Variants in SEC24B observed in about 807,000 individuals in gnomAD.
SEC24B encodes SEC24 homolog B, COPII component.
In SEC24B, 45 loss-of-function variants were observed where a neutral mutation model predicts 142.8. That is an observed-to-expected ratio of 0.32 (90% CI 0.25 to 0.40). The LOEUF (loss-of-function observed/expected upper bound fraction) is 0.40. Ranked by LOEUF, SEC24B falls within the 10% of genes least tolerant of loss-of-function variation. The pLI, the probability that SEC24B is intolerant of heterozygous loss-of-function variation, is 1.00. For missense variants in SEC24B, 1,409 were observed against 1,526.8 expected (o/e 0.92, Z 1.29); for synonymous variants, 574 against 568.2 (o/e 1.01, Z -0.15).
intron 1 of SEC24B, among the ~76,000 whole-genome samples, chr4:109,446,747 A>T (rs1239235231): frequency 6.6e-6 from 1 of 152,246 alleles, no homozygotes; most frequent in African/African-American, 2.4e-5. Flanking sequence ...GAAAGCTTTT[A>T]AAGTTTCATG....
intron 2 of SEC24B, among the ~76,000 whole-genome samples, chr4:109,467,186 C>T (rs1454517468): frequency 4.6e-5 from 7 of 151,196 alleles, no homozygotes; most frequent in Admixed American, 2.0e-4. Context: ...ATTAGCCGGG[C>T]GTGGTAGCGG....
chr4:109,507,772 AGTACCTGG>A (rs1736860855), intron 7 of SEC24B, among the ~76,000 whole-genome samples: 1 of 151,994 alleles, frequency 6.6e-6, no homozygotes, highest in African/African-American at 2.4e-5. Flanking sequence ...TAGCCTCCCG[AGTACCTGG>A]GATTACAGGC....
At chr4:109,516,748 C>A in intron 11 of SEC24B, 108 bp downstream of exon 11, 1 of 577,446 alleles carries the variant, frequency 1.7e-6, no homozygotes, top group Non-Finnish European at 2.9e-6. Context: ...TTGTATTTAT[C>A]AACTAAAAAG....
At chr4:109,514,752 C>G (rs1367650278) in intron 10 of SEC24B, among the ~76,000 whole-genome samples, 2 of 152,146 alleles carry the variant, frequency 1.3e-5, no homozygotes, top group African/African-American at 2.4e-5. Context: ...CAACTCTAAT[C>G]CTTGTTGTCC....
chr4:109,454,909 A>G (rs573051740), intron 1 of SEC24B, among the ~76,000 whole-genome samples: 1 of 152,356 alleles, frequency 6.6e-6, no homozygotes, highest in Admixed American at 6.5e-5. Flanking sequence ...TCAGGCCAAG[A>G]AGAATCTAAA....
chr4:109,483,900 T>C (rs906301384), intron 4 of SEC24B, among the ~76,000 whole-genome samples: 1 of 152,228 alleles, frequency 6.6e-6, no homozygotes, highest in Non-Finnish European at 1.5e-5. Context: ...GCTTTATAAT[T>C]CTCTATCAAC....
At chr4:109,519,084 G>A (rs1018535104) in intron 11 of SEC24B, among the ~76,000 whole-genome samples, 1 of 152,120 alleles carries the variant, frequency 6.6e-6, no homozygotes, top group Admixed American at 6.5e-5. Flanking sequence ...TGGGATTACA[G>A]CCACTGCACC....
At position 109,463,335 on chromosome 4, in the gene SEC24B, A is replaced by G; in HGVS notation, c.568A>G (p.Asn190Asp). ...CGHYAMSTVS[N>D]AAYPSVSYPS... ...TCATTATGCTATGTCAACTGTTTCT[A>G]ATGCCGCGTATCCTAGTGTTTCATA... Residue 190 changes from asparagine (N) to aspartate (D), a missense_variant, in exon 2 of 24, where the codon AAT (asparagine) becomes GAT (aspartate). Coordinates refer to ENST00000265175, the MANE Select transcript of SEC24B (RefSeq NM_006323.5). 1 of 1,614,168 alleles carries G rather than the reference A, an allele frequency of 6.2e-7. No individual in the cohort carries two copies. The highest frequency in any genetic ancestry group is 8.5e-7 in the Non-Finnish European group (1 of 1,180,026).
chr4:109,448,108 A>C (rs999716802), intron 1 of SEC24B, among the ~76,000 whole-genome samples: 10 of 152,218 alleles, frequency 6.6e-5, no homozygotes, highest in African/African-American at 2.2e-4. Context: ...GTAATCAAGA[A>C]TCTATTTTAA....
At position 109,433,968 on chromosome 4, in the gene SEC24B, C is replaced by A. The variant is rs924576781; in HGVS notation, c.99C>A (p.Gly33=). 8.2e-7 allele frequency: 1 copy of A among 1,226,354 alleles called. No homozygotes were observed. The highest frequency in any genetic ancestry group is 3.4e-5 in the East Asian group (1 of 29,118). The allele number at this position is 1,226,354 out of a possible 1,614,324, so 76.0% of individuals were successfully genotyped here. ...AAVSGAAAPA[G]PGAGPAPHQQ... ...TCTCAGGAGCCGCAGCGCCCGCGGG[C>A]CCGGGTGCGGGCCCGGCGCCGCACC... is the stretch of plus-strand genomic sequence containing the variant. The change falls in exon 1 of 24, where the codon GGC becomes GGA. Residue 33 remains glycine, a synonymous_variant. Transcript: ENST00000265175.
At chr4:109,480,718 A>G (rs1232814984) in intron 3 of SEC24B, among the ~76,000 whole-genome samples, 1 of 152,212 alleles carries the variant, frequency 6.6e-6, no homozygotes, top group African/African-American at 2.4e-5. Context: ...TAACCTTGTG[A>G]TCCTCCCACC....
Position 109,530,364 on chromosome 4 carries a change from C to T in SEC24B, c.3152C>T (p.Ser1051Phe), listed in dbSNP as rs141827728. 1,160 of 1,614,112 alleles carry T rather than the reference C, an allele frequency of 7.2e-4. No homozygotes were observed. Among genetic ancestry groups the T allele is most frequent in the Non-Finnish European group, 8.8e-4 (1,041 of 1,179,984 alleles). Residue 1051 changes from serine to phenylalanine, a missense_variant, in exon 19 of 24, where the codon TCT becomes TTT. Ser to Phe is a radical substitution (Grantham distance 155). Coordinates refer to ENST00000265175, the MANE Select transcript of SEC24B (RefSeq NM_006323.5). ...ALVNAVVDSL[S>F]AYGSTVSNLQ... Reference sequence around the variant, plus strand: ...GTGAATGCTGTAGTGGACTCATTGTCTGCATATGGCTCAACTGTCTCAAAT... The same window carrying T: ...GTGAATGCTGTAGTGGACTCATTGTTTGCATATGGCTCAACTGTCTCAAAT...
At chr4:109,518,391 T>A (rs1723209897) in intron 11 of SEC24B, among the ~76,000 whole-genome samples, 1 of 152,216 alleles carries the variant, frequency 6.6e-6, no homozygotes, top group Non-Finnish European at 1.5e-5. Flanking sequence ...GGTTCACTAC[T>A]GCAGTGGTTC....
At chr4:109,514,800 G>T (rs184405608) in intron 10 of SEC24B, among the ~76,000 whole-genome samples, 1 of 152,206 alleles carries the variant, frequency 6.6e-6, no homozygotes, top group Non-Finnish European at 1.5e-5. Flanking sequence ...AGGAGTAAGC[G>T]ATGTGCATTA....
chr4:109,502,598 A>G (rs1050025513), intron 6 of SEC24B, among the ~76,000 whole-genome samples: 1 of 152,218 alleles, frequency 6.6e-6, no homozygotes, highest in Non-Finnish European at 1.5e-5. Context: ...GGTTTTTGGC[A>G]TAACACCTGG....
rs111436021 is a variant in SEC24B, at chr4:109,500,527, A to G, written c.1488+5671A>G. ...GCAGTGCACACCAGCCTGGGCAACA[A>G]GAGCAAGACTCCATCTTAAAAAAAA... On this transcript the variant is annotated intron_variant, in intron 6 of 23. Coordinates refer to ENST00000265175, the MANE Select transcript of SEC24B (RefSeq NM_006323.5). 5.2e-3 allele frequency among the ~76,000 whole-genome samples: 785 copies of G among 150,818 alleles called. 6 individuals are homozygous for G. Among genetic ancestry groups the G allele is most frequent in the African/African-American group, 0.019 (763 of 40,968 alleles).
intron 22 of SEC24B, among the ~76,000 whole-genome samples, chr4:109,536,111 C>G (rs956525693): frequency 6.6e-6 from 1 of 151,524 alleles, no homozygotes; most frequent in South Asian, 2.1e-4. Context: ...TCCAAGAGTT[C>G]ATTGGTAAAA....
chr4:109,524,767 A>T, intron 14 of SEC24B, 51 bp from the exon 15 acceptor site: 1 of 1,535,842 alleles, frequency 6.5e-7, no homozygotes, highest in South Asian at 1.3e-5. Context: ...AATGACATGA[A>T]AATATGAGCA....
intron 22 of SEC24B, among the ~76,000 whole-genome samples, chr4:109,536,858 T>G (rs1725602621): frequency 6.6e-6 from 1 of 151,644 alleles, no homozygotes; most frequent in Non-Finnish European, 1.5e-5. Flanking sequence ...AATATTAGAA[T>G]GGGTAACGCC....
Sources: gnomAD v4.1 joint callset for allele counts (sites outside exome capture counted in the v4.1 genomes callset) on GRCh38, gnomAD v4.1.1 for gene constraint, MANE v1.5 for transcripts, NCBI Gene and HGNC (gene_info 2026-07-23, HGNC 2026-07-21) for gene names.